The following TMEM163 variants were observed in gnomAD, a reference collection of about 807,000 sequenced individuals.
TMEM163 encodes transmembrane protein 163.
TMEM163 carries 17 observed loss-of-function variants against 29.3 expected under a neutral mutation model. The observed-to-expected ratio is 0.58, with a 90% CI of 0.40 to 0.87. The LOEUF (loss-of-function observed/expected upper bound fraction) is 0.87. Ranked by LOEUF, TMEM163 falls within the 40% of genes least tolerant of loss-of-function variation. The pLI, the probability that TMEM163 is intolerant of heterozygous loss-of-function variation, is 0.00. For missense variants in TMEM163, 303 were observed against 381.5 expected, an observed-to-expected ratio of 0.79 and a Z score of 1.71; for synonymous variants, 157 against 160.6, an observed-to-expected ratio of 0.98 and a Z score of 0.17.
At chr2:134,606,338 C>T (rs538830685) in intron 2 of TMEM163, among the ~76,000 whole-genome samples, 1 of 95,676 alleles carries the variant, frequency 1.0e-5, no homozygotes, top group South Asian at 2.8e-4. Flanking sequence ...AGCAAAACTC[C>T]GTCTCAAAAA....
At chr2:134,519,573 G>A (rs1482513182) in intron 4 of TMEM163, among the ~76,000 whole-genome samples, 4 of 152,048 alleles carry the variant, frequency 2.6e-5, no homozygotes, top group Non-Finnish European at 5.9e-5. Flanking sequence ...TTAGCCGGGC[G>A]TGGTGGGGGG....
chr2:134,676,269 C>T (rs1310758204), intron 2 of TMEM163, among the ~76,000 whole-genome samples: 1 of 152,194 alleles, frequency 6.6e-6, no homozygotes, highest in African/African-American at 2.4e-5. Context: ...AGCCAGCCCA[C>T]TCCAGTGCAC....
chr2:134,613,741 T>C (rs1255803800), intron 2 of TMEM163, among the ~76,000 whole-genome samples: 1 of 152,132 alleles, frequency 6.6e-6, no homozygotes, highest in African/African-American at 2.4e-5. Context: ...ATACCATTTA[T>C]AAATACTCTA....
intron 1 of TMEM163, among the ~76,000 whole-genome samples, chr2:134,717,532 T>A (rs1461445028): frequency 6.6e-5 from 10 of 152,184 alleles, no homozygotes; most frequent in Non-Finnish European, 1.5e-4. Flanking sequence ...GAGAAAGAGA[T>A]CGTGCATCCG....
chr2:134,642,832 G>A (rs1683251331), intron 2 of TMEM163, among the ~76,000 whole-genome samples: 1 of 152,122 alleles, frequency 6.6e-6, no homozygotes, highest in East Asian at 1.9e-4. Context: ...TGAAAATAGA[G>A]CATATTAAAA....
At chr2:134,487,574 C>A (rs1679341665) in intron 5 of TMEM163, among the ~76,000 whole-genome samples, 1 of 152,168 alleles carries the variant, frequency 6.6e-6, no homozygotes, top group African/African-American at 2.4e-5. Flanking sequence ...TGGAATATTA[C>A]TAATGCAATG....
intron 6 of TMEM163, among the ~76,000 whole-genome samples, chr2:134,463,889 G>A (rs906293077): frequency 3.3e-5 from 5 of 152,268 alleles, no homozygotes; most frequent in South Asian, 2.1e-4. Context: ...GCAGGATCCC[G>A]ACTTCTCCCA....
At chr2:134,672,817 A>G (rs1056497844) in intron 2 of TMEM163, among the ~76,000 whole-genome samples, 2 of 151,980 alleles carry the variant, frequency 1.3e-5, no homozygotes, top group Non-Finnish European at 2.9e-5. Flanking sequence ...CATCCATTAA[A>G]TCATCCAAGT....
chr2:134,698,651 T>C (rs1247991992), intron 2 of TMEM163, among the ~76,000 whole-genome samples: 1 of 152,168 alleles, frequency 6.6e-6, no homozygotes, highest in African/African-American at 2.4e-5. Context: ...TTGGACAGTT[T>C]TGTTTATCAA....
At chr2:134,658,370 T>A (rs1194487080) in intron 2 of TMEM163, among the ~76,000 whole-genome samples, 1 of 152,204 alleles carries the variant, frequency 6.6e-6, no homozygotes, top group Non-Finnish European at 1.5e-5. Flanking sequence ...AGGTTTTGTT[T>A]AAATGACAAA....
chr2:134,704,286 T>C (rs1161993111), intron 2 of TMEM163, among the ~76,000 whole-genome samples: 1 of 152,158 alleles, frequency 6.6e-6, no homozygotes, highest in Non-Finnish European at 1.5e-5. Flanking sequence ...ATTCTCCTCC[T>C]GGACCTGGGC....
chr2:134,708,544 C>A (rs1558999964), intron 2 of TMEM163, among the ~76,000 whole-genome samples: 1 of 151,462 alleles, frequency 6.6e-6, no homozygotes. Context: ...TCTACAGCTG[C>A]ACCTAATTTT....
At chr2:134,672,568 T>C (rs1027899800) in intron 2 of TMEM163, among the ~76,000 whole-genome samples, 2 of 151,970 alleles carry the variant, frequency 1.3e-5, no homozygotes, top group African/African-American at 2.4e-5. Context: ...GTAGAGACAG[T>C]GTATCACTCT....
chr2:134,502,920 G>C lies in TMEM163; in HGVS notation c.536C>G (p.Thr179Ser), dbSNP rs1679730648. Residue 179 changes from threonine (T) to serine (S), a missense_variant, in exon 5 of 8, where the codon ACT (threonine) becomes AGT (serine). Transcript: ENST00000281924. ...IVVKAIHDLS[T>S]RLLPEVDDFL... ...CCTTACCACTTCTGGGAGCAGCCTA[G>C]TTGAGAGGTCATGGATGGCTTTGAC... 8.1e-6 allele frequency: 13 copies of C among 1,613,798 alleles called. No homozygotes were observed. In the East Asian group the frequency reaches 2.0e-4, roughly 25 times the overall value.
intron 2 of TMEM163, among the ~76,000 whole-genome samples, chr2:134,601,070 T>C (rs1322616341): frequency 6.6e-6 from 1 of 152,084 alleles, no homozygotes; most frequent in Non-Finnish European, 1.5e-5. Flanking sequence ...AATATATACT[T>C]TATATATATA....
intron 2 of TMEM163, among the ~76,000 whole-genome samples, chr2:134,700,444 G>A (rs1462167447): frequency 1.3e-5 from 2 of 152,108 alleles, no homozygotes; most frequent in African/African-American, 4.8e-5. Context: ...TGTAGAGTTC[G>A]ATTCTCTAGT....
chr2:134,470,434 T>C (rs568607878), intron 5 of TMEM163, among the ~76,000 whole-genome samples: 1 of 151,612 alleles, frequency 6.6e-6, no homozygotes, highest in South Asian at 2.1e-4. Context: ...GCTATATTAG[T>C]ATTGGGAAGC....
chr2:134,500,403 G>T (rs1217777902), intron 5 of TMEM163, among the ~76,000 whole-genome samples: 1 of 152,228 alleles, frequency 6.6e-6, no homozygotes, highest in Non-Finnish European at 1.5e-5. Context: ...GGGCCACTCA[G>T]CCCTCAGCCG....
At chr2:134,679,165 G>A (rs913848282) in intron 2 of TMEM163, among the ~76,000 whole-genome samples, 1 of 152,206 alleles carries the variant, frequency 6.6e-6, no homozygotes, top group Non-Finnish European at 1.5e-5. Flanking sequence ...CTGGGGTGGG[G>A]GACACAAGGA....
Sources: allele counts gnomAD v4.1 joint callset (sites outside exome capture counted in the v4.1 genomes callset), GRCh38; gene constraint gnomAD v4.1.1; transcripts MANE v1.5; gene names NCBI Gene and HGNC (gene_info 2026-07-23, HGNC 2026-07-21).